SHANK1: variants seen among roughly 807,000 people sequenced by gnomAD.
SHANK1 encodes SH3 and multiple ankyrin repeat domains 1, also known as SH3 and multiple ankyrin repeat domains protein 1.
SHANK1 carries 35 observed loss-of-function variants against 165.6 expected under a neutral mutation model. The observed-to-expected ratio is 0.21, with a 90% confidence interval of 0.16 to 0.28. The LOEUF (loss-of-function observed/expected upper bound fraction) is 0.28, where lower values mean the gene tolerates loss of function less well. Among genes scored for constraint, SHANK1 ranks in the 10% least tolerant of loss-of-function variants. SHANK1 has a pLI of 1.00. For missense variants in SHANK1, 2,681 were observed against 3,036.4 expected, an observed-to-expected ratio of 0.88 and a Z score of 2.75; for synonymous variants, 1,428 against 1,384.8, an observed-to-expected ratio of 1.03 and a Z score of -0.69.
chr19:50,669,737 A>C (rs1985721090), intron 22 of SHANK1, among the ~76,000 whole-genome samples: 1 of 151,884 alleles, frequency 6.6e-6, no homozygotes, highest in Non-Finnish European at 1.5e-5. Flanking sequence ...AGAACCACTT[A>C]TGATGAGGCT....
chr19:50,668,869 A>G lies in SHANK1; in HGVS notation c.3091T>C (p.Ser1031Pro). 1.6e-6 allele frequency: 2 copies of G among 1,273,636 alleles called. No individual in the cohort carries two copies. The highest frequency in any genetic ancestry group is 2.0e-6 in the Non-Finnish European group (2 of 1,017,706). 78.9% of individuals were successfully genotyped at this position (1,273,636 alleles called of 1,614,324 possible). A position where few individuals can be genotyped will look rare whatever the true frequency, so the allele number is the denominator to read the frequency against. ...AGGCGGGGTGGAGGGTCGTCGGGAG[A>G]GCCGCCTGTCTCCATCTCGGGAGGA... Reference protein sequence around the residue: ...PHPPEMETGGSPDDPPPRLAL... With the variant: ...PHPPEMETGGPPDDPPPRLAL... Residue 1031 changes from serine (S) to proline (P), a missense_variant, in exon 23 of 24, where the codon TCT becomes CCT. By Grantham distance (74) the Ser-to-Pro change is moderately conservative. Around this residue, in one of 10 missense-constraint regions of SHANK1, gnomAD observed 1,713 missense variants for 1,630.2 expected, o/e 1.05. Coordinates refer to ENST00000293441, the MANE Select transcript of SHANK1 (RefSeq NM_016148.5).
Position 50,697,156 on chromosome 19 carries a change from G to A in SHANK1, c.1938-34C>T. 1 of 1,613,966 alleles carries A rather than the reference G, an allele frequency of 6.2e-7. No homozygotes were observed. The highest frequency in any genetic ancestry group is 8.5e-7 in the Non-Finnish European group (1 of 1,179,946). ...GCAAGTCAGCCAGCAGCCAGGGAGG[G>A]GAAAGGTGTCAGTGCACCCATCTCC... On this transcript the variant is annotated intron_variant, in intron 14 of 23. Transcript: ENST00000293441. The surrounding 1 kb of genome is among the most constrained non-coding windows in gnomAD (Gnocchi z 4.7).
rs1255714049 is a variant in SHANK1, at chr19:50,719,623, C to T, written c.-261G>A. On this transcript the variant is annotated 5_prime_UTR_variant, in exon 1 of 24. Transcript: ENST00000293441. ...GGGCCGGGCCTGGCCATCCGCAGAG[C>T]GCCCCCCCTTCCGCCGCGGCCGCCG... Among the ~76,000 whole-genome samples, 1 of 148,582 alleles carries T rather than the reference C, an allele frequency of 6.7e-6. No individual in the cohort carries two copies. The highest frequency in any genetic ancestry group is 2.1e-4 in the South Asian group (1 of 4,760).
At position 50,686,935 on chromosome 19, in the gene SHANK1, G is replaced by C; in HGVS notation, c.2390-123C>G. On this transcript the variant is annotated intron_variant, in intron 19 of 23. Coordinates refer to ENST00000293441, the MANE Select transcript of SHANK1 (RefSeq NM_016148.5). This position sits in a 1 kb window ranked among gnomAD's most constrained non-coding sequence, Gnocchi z 5.7. ...GCGTGGCGGGCGCGAGAGGGGCAGT[G>C]AGGGGCCGGGGTCAGGGAGGGGCGA... 1 of 1,371,668 alleles carries C rather than the reference G, an allele frequency of 7.3e-7. No homozygotes were observed. Among genetic ancestry groups the C allele is most frequent in the Non-Finnish European group, 9.8e-7 (1 of 1,023,682 alleles). The allele number at this position is 1,371,668 out of a possible 1,614,324, so 85.0% of individuals were successfully genotyped here.
Position 50,711,157 on chromosome 19 carries a change from TA to T in SHANK1, c.1077+213del. ...CCCCAGCACCCAGCTCCAGGCCTGA[TA>T]CAGAGGAGCTCAGTAAATATCTGTT... On this transcript the variant is annotated intron_variant, in intron 8 of 23. Transcript: ENST00000293441. The T allele has an allele frequency of 8.8e-6, 5 of 565,482 alleles. No individual in the cohort carries two copies. The South Asian group carries it at 1.0e-4, about 12-fold the overall frequency. 35.0% of individuals were successfully genotyped at this position (565,482 alleles called of 1,614,324 possible).
Position 50,702,892 on chromosome 19 carries a change from G to A in SHANK1, c.1554-232C>T, listed in dbSNP as rs552318066. ...GGCTTCCGGCTCTGCCCCCTCCCAC[G>A]GTCCTGCGCGCACCGCCTGATTCAG... is the stretch of plus-strand genomic sequence containing the variant. On this transcript the variant is annotated intron_variant, in intron 11 of 23. Coordinates refer to ENST00000293441, the MANE Select transcript of SHANK1 (RefSeq NM_016148.5). This position sits in a 1 kb window ranked among gnomAD's most constrained non-coding sequence, Gnocchi z 5.3. Among the ~76,000 whole-genome samples the A allele has an allele frequency of 2.3e-4, 35 of 151,954 alleles. No homozygotes were observed. Among genetic ancestry groups the A allele is most frequent in the African/African-American group, 7.2e-4 (30 of 41,412 alleles).
intron 23 of SHANK1, among the ~76,000 whole-genome samples, chr19:50,664,198 G>A (rs747160082): frequency 6.6e-6 from 1 of 151,050 alleles, no homozygotes; most frequent in South Asian, 2.1e-4. Context: ...CACATTTGAA[G>A]GTCAGACACA....
At chr19:50,719,112 C>A (rs1022614097) in intron 1 of SHANK1, among the ~76,000 whole-genome samples, 1 of 142,806 alleles carries the variant, frequency 7.0e-6, no homozygotes, top group Admixed American at 7.2e-5. Context: ...GTACCAGGAC[C>A]GAGCCCTTGG....
chr19:50,719,243 T>G (rs1426414850), intron 1 of SHANK1, among the ~76,000 whole-genome samples, 163 bp downstream of exon 1: 1 of 151,468 alleles, frequency 6.6e-6, no homozygotes, highest in Non-Finnish European at 1.5e-5. Flanking sequence ...GTAACCCAAT[T>G]TGGTGTCGCC....
intron 23 of SHANK1, among the ~76,000 whole-genome samples, chr19:50,663,813 T>C (rs1985367290): frequency 6.6e-6 from 1 of 151,928 alleles, no homozygotes; most frequent in South Asian, 2.1e-4. Context: ...AGTCAAGGAA[T>C]TGCATTCAGT....
chr19:50,704,690 G>A (rs1163330692), intron 8 of SHANK1, among the ~76,000 whole-genome samples, 176 bp from the exon 9 acceptor site: 1 of 152,196 alleles, frequency 6.6e-6, no homozygotes, highest in Non-Finnish European at 1.5e-5. Flanking sequence ...TAGTTTAAAC[G>A]TGGCCGGCCC....
rs1327244360 is a variant in SHANK1, at chr19:50,661,823, C to T, written c.*142G>A. 6.6e-6 allele frequency: 6 copies of T among 908,702 alleles called. No individual in the cohort carries two copies. In the East Asian group the frequency reaches 1.2e-4, roughly 19 times the overall value. The allele number at this position is 908,702 out of a possible 1,614,324, so 56.3% of individuals were successfully genotyped here. A position where few individuals can be genotyped will look rare whatever the true frequency, so the allele number is the denominator to read the frequency against. Reference sequence around the variant, plus strand: ...GGCCTGGATTGGGCCACCTGGTGACCTCTGGCCTTGGGAGATGAGGGCAGG... The same window carrying T: ...GGCCTGGATTGGGCCACCTGGTGACTTCTGGCCTTGGGAGATGAGGGCAGG... On this transcript the variant is annotated 3_prime_UTR_variant, in exon 24 of 24. Coordinates refer to ENST00000293441, the MANE Select transcript of SHANK1 (RefSeq NM_016148.5).
chr19:50,676,575 T>C (rs1463196888), intron 21 of SHANK1, among the ~76,000 whole-genome samples: 1 of 152,060 alleles, frequency 6.6e-6, no homozygotes, highest in Non-Finnish European at 1.5e-5. Flanking sequence ...TCAGGTTTCT[T>C]TCAGATTTCG....
At chr19:50,673,395 T>C (rs915538553) in intron 21 of SHANK1, among the ~76,000 whole-genome samples, 1 of 151,842 alleles carries the variant, frequency 6.6e-6, no homozygotes, top group Non-Finnish European at 1.5e-5. Flanking sequence ...CTCTTCCTTC[T>C]CCTCTGTCAG....
chr19:50,662,579 C>A lies in SHANK1; in HGVS notation c.5872G>T (p.Val1958Phe). 2 of 1,564,662 alleles carry A rather than the reference C, an allele frequency of 1.3e-6. No homozygotes were observed. The highest frequency in any genetic ancestry group is 2.3e-5 in the South Asian group (2 of 85,168). Residue 1958 changes from valine to phenylalanine, a missense_variant, in exon 24 of 24, where the codon GTC (valine) becomes TTC (phenylalanine). Physicochemically the swap from Val to Phe is conservative, Grantham distance 50. This residue lies in a region of SHANK1 where 1,713 missense variants were observed against 1,630.2 expected (regional missense o/e 1.05). Transcript: ENST00000293441. The surrounding 1 kb of genome is among the most constrained non-coding windows in gnomAD (Gnocchi z 7.7). Reference protein sequence around the residue: ...PLPPLPTGTGVSPTAAAAPGA... With the variant: ...PLPPLPTGTGFSPTAAAAPGA... ...GGGGCCGCAGCGGCTGTAGGGGAGA[C>A]CCCTGTTCCGGTGGGGAGTGGCGGC...
At chr19:50,691,499 T>C (rs1020427574) in intron 15 of SHANK1, among the ~76,000 whole-genome samples, 1 of 151,978 alleles carries the variant, frequency 6.6e-6, no homozygotes, top group African/African-American at 2.4e-5. Flanking sequence ...ACCCCATACA[T>C]AAGCCTTCCC....
At chr19:50,703,435 G>A in intron 11 of SHANK1, 65 bp downstream of exon 11, 1 of 1,389,706 alleles carries the variant, frequency 7.2e-7, no homozygotes, top group Non-Finnish European at 9.7e-7. Context: ...CTCGGGGGAA[G>A]CCGCCGATCT....
Position 50,667,152 on chromosome 19 carries a change from GGTA to G in SHANK1, c.4805_4807del (p.Leu1602_Pro1603delinsSer), listed in dbSNP as rs1273337784. On this transcript the variant is annotated inframe_deletion, in exon 23 of 24. Transcript: ENST00000293441. The surrounding 1 kb of genome is among the most constrained non-coding windows in gnomAD (Gnocchi z 5.7). ...GGCCACAGCCGGGGGTGGCACAGGG[GGTA>G]ACGGGGTGGCAGGGGCAGGTGTGTC... The G allele has an allele frequency of 6.4e-7, 1 of 1,556,936 alleles. No homozygotes were observed. The highest frequency in any genetic ancestry group is 8.6e-7 in the Non-Finnish European group (1 of 1,157,828).
Position 50,667,732 on chromosome 19 carries a change from C to G in SHANK1, c.4228G>C (p.Ala1410Pro), listed in dbSNP as rs778529090. 9.8e-6 allele frequency: 13 copies of G among 1,332,008 alleles called. No individual in the cohort carries two copies. The highest frequency in any genetic ancestry group is 1.2e-5 in the Non-Finnish European group (13 of 1,047,006). 82.5% of individuals were successfully genotyped at this position (1,332,008 alleles called of 1,614,324 possible). ...CGGCGCGCAGGGTCCGGCGGGGAGG[C>G]CCCCCAGAGACGCAGCACTGGCTCG... Reference protein sequence around the residue: ...HHEPVLRLWGASPPDPARREL... With the variant: ...HHEPVLRLWGPSPPDPARREL... The change falls in exon 23 of 24, where the codon GCC becomes CCC. Residue 1410 changes from alanine to proline, a missense_variant. Ala to Pro is a conservative substitution (Grantham distance 27). Transcript: ENST00000293441. The surrounding 1 kb of genome is among the most constrained non-coding windows in gnomAD (Gnocchi z 5.7).
Sources: gnomAD v4.1 joint callset for allele counts (sites outside exome capture counted in the v4.1 genomes callset) on GRCh38, gnomAD v4.1.1 for gene constraint, gnomAD v4.1.1 regional missense constraint, Gnocchi (gnomAD v3.1) non-coding constraint, MANE v1.5 for transcripts, NCBI Gene and HGNC (gene_info 2026-07-23, HGNC 2026-07-21) for gene names.